Variants in CERS6 observed in about 807,000 individuals in gnomAD.
CERS6 encodes ceramide synthase 6, also known as LAG1 homolog, ceramide synthase 6.
In CERS6, 26 loss-of-function variants were observed where a neutral mutation model predicts 56.8. That is an observed-to-expected ratio of 0.46 (90% CI 0.34 to 0.63). CERS6 has a LOEUF of 0.63. Ranked by LOEUF, CERS6 falls within the 30% of genes least tolerant of loss-of-function variation. The probability of loss-of-function intolerance (pLI) is 0.01; values close to 1 mark genes in which losing one functional copy is unlikely to be tolerated. For synonymous variants in CERS6, 164 were observed against 173.3 expected (o/e 0.95, Z 0.42); for missense variants, 415 against 467.5 (o/e 0.89, Z 1.04).
intron 3 of CERS6, among the ~76,000 whole-genome samples, chr2:168,621,177 A>G (rs1220189896): frequency 1.3e-5 from 2 of 152,198 alleles, no homozygotes; most frequent in Admixed American, 6.5e-5. Context: ...TAGAGCCTTG[A>G]TGTTCAAGGG....
chr2:168,522,101 T>C (rs1694993941), intron 1 of CERS6, among the ~76,000 whole-genome samples: 1 of 152,216 alleles, frequency 6.6e-6, no homozygotes, highest in South Asian at 2.1e-4. Context: ...TGTTTGGTTT[T>C]GATTCCTGGA....
At chr2:168,657,437 C>T (rs184091822) in intron 4 of CERS6, among the ~76,000 whole-genome samples, 2,270 of 152,366 alleles carry the variant, frequency 0.015, 69 homozygotes, top group African/African-American at 0.052. Flanking sequence ...GCCATGCGCT[C>T]GCATTCCTCA....
intron 3 of CERS6, among the ~76,000 whole-genome samples, chr2:168,574,352 T>TA (rs1683195932): frequency 1.3e-5 from 2 of 152,088 alleles, no homozygotes; most frequent in East Asian, 3.9e-4. Context: ...TTCCAATACT[T>TA]ACGTGGCTCA....
intron 4 of CERS6, among the ~76,000 whole-genome samples, chr2:168,652,576 A>T (rs1344517737): frequency 2.5e-5 from 2 of 81,072 alleles, no homozygotes; most frequent in Non-Finnish European, 5.1e-5. Flanking sequence ...AAAAAGTGTT[A>T]AAAAAAAAAA....
At chr2:168,558,605 C>A (rs1695725166) in intron 2 of CERS6, among the ~76,000 whole-genome samples, 1 of 152,216 alleles carries the variant, frequency 6.6e-6, no homozygotes, top group African/African-American at 2.4e-5. Flanking sequence ...CGCGGTGGCT[C>A]ACGCCTGTAA....
intron 4 of CERS6, among the ~76,000 whole-genome samples, chr2:168,649,988 A>G (rs902391753): frequency 1.1e-4 from 17 of 152,270 alleles, no homozygotes; most frequent in African/African-American, 2.6e-4. Context: ...TATTAAACTG[A>G]TGGCATGTTA....
intron 1 of CERS6, among the ~76,000 whole-genome samples, chr2:168,503,086 G>A (rs35906945): frequency 2.0e-5 from 3 of 152,098 alleles, no homozygotes; most frequent in Non-Finnish European, 4.4e-5. Flanking sequence ...TCTCATAGTA[G>A]TGAGTGAGTT....
At chr2:168,604,389 ACGTG>A (rs1379121659) in intron 3 of CERS6, among the ~76,000 whole-genome samples, 8 of 14,520 alleles carry the variant, frequency 5.5e-4, no homozygotes, top group African/African-American at 1.2e-3. Flanking sequence ...GCAGTTGTAT[ACGTG>A]TGTGTGTGTG....
chr2:168,460,782 G>A lies in CERS6; in HGVS notation c.170+4164G>A, dbSNP rs1353277897. Among the ~76,000 whole-genome samples the A allele has an allele frequency of 3.3e-5, 5 of 152,194 alleles. No homozygotes were observed. In the East Asian group the frequency reaches 7.7e-4, roughly 23 times the overall value. On this transcript the variant is annotated intron_variant, in intron 1 of 9. Coordinates refer to ENST00000305747, the MANE Select transcript of CERS6 (RefSeq NM_203463.3). ...ATTGGCTCTCAAAATGCTAGGCTAT[G>A]TGAGGAGTGTCATCCTTTGGGAGGC...
chr2:168,457,431 C>A (rs972448154), intron 1 of CERS6, among the ~76,000 whole-genome samples: 1 of 152,118 alleles, frequency 6.6e-6, no homozygotes. Flanking sequence ...TCCATTGTGT[C>A]ACATACAAAC....
At chr2:168,524,790 G>A (rs1308812750) in intron 1 of CERS6, among the ~76,000 whole-genome samples, 1 of 151,676 alleles carries the variant, frequency 6.6e-6, no homozygotes, top group Non-Finnish European at 1.5e-5. Context: ...CTTTAAAAAG[G>A]ATTTATTTCA....
intron 4 of CERS6, among the ~76,000 whole-genome samples, chr2:168,637,474 C>T (rs80335307): frequency 0.017 from 2,617 of 151,774 alleles, 102 homozygotes; most frequent in East Asian, 0.16. Flanking sequence ...TAGAGTGAGA[C>T]GCCGTCTAAA....
intron 4 of CERS6, among the ~76,000 whole-genome samples, chr2:168,633,272 A>G (rs1025016147): frequency 6.6e-6 from 1 of 151,822 alleles, no homozygotes; most frequent in African/African-American, 2.4e-5. Context: ...TCCAAGCAGC[A>G]CTCAATTTTT....
chr2:168,465,198 A>G (rs1351598215), intron 1 of CERS6, among the ~76,000 whole-genome samples: 2 of 152,108 alleles, frequency 1.3e-5, no homozygotes, highest in African/African-American at 2.4e-5. Flanking sequence ...GGGCTGGTAC[A>G]ACAAAATACT....
intron 1 of CERS6, among the ~76,000 whole-genome samples, chr2:168,458,434 G>T (rs1331655347): frequency 6.6e-6 from 1 of 152,156 alleles, no homozygotes; most frequent in East Asian, 1.9e-4. Flanking sequence ...GATTGTCTCT[G>T]CCTCTAAAAA....
At chr2:168,750,869 A>G (rs1045578149) in intron 8 of CERS6, among the ~76,000 whole-genome samples, 3 of 152,168 alleles carry the variant, frequency 2.0e-5, no homozygotes, top group Non-Finnish European at 2.9e-5. Context: ...CAGTTCCTCA[A>G]ATAGATAGTA....
At chr2:168,718,634 A>G (rs1225299176) in intron 8 of CERS6, among the ~76,000 whole-genome samples, 1 of 152,180 alleles carries the variant, frequency 6.6e-6, no homozygotes, top group African/African-American at 2.4e-5. Flanking sequence ...TGCTTTTCAT[A>G]TTTCTTCCAA....
chr2:168,484,306 C>T (rs183259566), intron 1 of CERS6, among the ~76,000 whole-genome samples: 161 of 150,668 alleles, frequency 1.1e-3, no homozygotes, highest in Middle Eastern at 0.01. Flanking sequence ...CTCAGCCTCC[C>T]GAGTAGCTGG....
chr2:168,556,177 C>T (rs533970957), intron 2 of CERS6, among the ~76,000 whole-genome samples: 21 of 152,078 alleles, frequency 1.4e-4, no homozygotes, highest in African/African-American at 5.1e-4. Context: ...AACAATAAGA[C>T]ATTAACATCA....
Sources: allele counts gnomAD v4.1 joint callset (sites outside exome capture counted in the v4.1 genomes callset), GRCh38; gene constraint gnomAD v4.1.1; transcripts MANE v1.5; gene names NCBI Gene and HGNC (gene_info 2026-07-23, HGNC 2026-07-21).